The following MAPK8 variants were observed in gnomAD, a reference collection of about 807,000 sequenced individuals.
The protein encoded by MAPK8 is mitogen-activated protein kinase 8.
MAPK8 carries 13 observed loss-of-function variants against 52.9 expected under a neutral mutation model. That is an observed-to-expected ratio of 0.25 (90% CI 0.16 to 0.39). The LOEUF (loss-of-function observed/expected upper bound fraction) is 0.39, where lower values mean the gene tolerates loss of function less well. Among genes scored for constraint, MAPK8 ranks in the 10% least tolerant of loss-of-function variants. MAPK8 has a pLI of 1.00. For synonymous variants in MAPK8, 191 were observed against 169.8 expected (o/e 1.12, Z -0.97); for missense variants, 300 against 519.2 (o/e 0.58, Z 4.10).
intron 1 of MAPK8, among the ~76,000 whole-genome samples, chr10:48,310,730 TGTGTG>T (rs1770840366): frequency 1.4e-5 from 1 of 73,164 alleles, no homozygotes; most frequent in Non-Finnish European, 2.4e-5. Flanking sequence ...TTTTTAAAAT[TGTGTG>T]TGTGTGTGTG....
intron 3 of MAPK8, among the ~76,000 whole-genome samples, chr10:48,407,804 C>A (rs1468383544): frequency 6.6e-6 from 1 of 152,166 alleles, no homozygotes; most frequent in Non-Finnish European, 1.5e-5. Flanking sequence ...TTCTAAACAA[C>A]CACTAATCAA....
At chr10:48,333,783 C>T (rs899881479) in intron 1 of MAPK8, among the ~76,000 whole-genome samples, 8 of 138,600 alleles carry the variant, frequency 5.8e-5, no homozygotes, top group African/African-American at 1.6e-4. Flanking sequence ...GATGCCTCTG[C>T]GGGGGAACGT....
Position 48,358,345 on chromosome 10 carries a change from A to G in MAPK8, c.-49-43267A>G, listed in dbSNP as rs147515143. 8.0e-4 allele frequency among the ~76,000 whole-genome samples: 122 copies of G among 152,322 alleles called. 2 individuals carry two copies. The East Asian group carries it at 0.02, about 25-fold the overall frequency. On this transcript the variant is annotated intron_variant, in intron 1 of 11. Transcript: ENST00000374189. ...AGAGCTTGTTACTTTCTTTTTGATTATATTAGTAGTCATCATAGTGGATAT... is the reference window on the plus strand; with the variant it reads ...AGAGCTTGTTACTTTCTTTTTGATTGTATTAGTAGTCATCATAGTGGATAT...
intron 1 of MAPK8, among the ~76,000 whole-genome samples, chr10:48,338,936 A>T (rs1347581799): frequency 2.6e-5 from 4 of 152,170 alleles, no homozygotes; most frequent in South Asian, 4.1e-4. Context: ...TTCATAGATG[A>T]CACAAACAAA....
chr10:48,384,391 T>G (rs975343241), intron 1 of MAPK8, among the ~76,000 whole-genome samples: 3 of 152,244 alleles, frequency 2.0e-5, no homozygotes, highest in African/African-American at 7.2e-5. Context: ...AAGATTTCTT[T>G]TGTAGATGTA....
chr10:48,345,562 G>T (rs1448315209), intron 1 of MAPK8, among the ~76,000 whole-genome samples: 1 of 152,126 alleles, frequency 6.6e-6, no homozygotes, highest in Non-Finnish European at 1.5e-5. Flanking sequence ...ACTTCTAAGT[G>T]ATATGGTACA....
chr10:48,420,173 A>G lies in MAPK8; in HGVS notation c.469A>G (p.Ile157Val), dbSNP rs368198154. The G allele has an allele frequency of 6.8e-6, 11 of 1,613,160 alleles. No individual in the cohort carries two copies. Among genetic ancestry groups the G allele is most frequent in the Non-Finnish European group, 7.6e-6 (9 of 1,179,452 alleles). The stretch of plus-strand genomic sequence containing the variant: ...TCTGAAGGACTTAAAGCCCAGTAAT[A>G]TAGTAGTAAAATCTGATTGCACTTT... ...IIHRDLKPSNIVVKSDCTLKI... is the reference protein window; with the variant it reads ...IIHRDLKPSNVVVKSDCTLKI... The change falls in exon 6 of 12, where the codon ATA becomes GTA. Residue 157 changes from isoleucine (I) to valine (V), a missense_variant. Physicochemically the swap from Ile to Val is conservative, Grantham distance 29. Around this residue, in one of 3 missense-constraint regions of MAPK8, gnomAD observed 147 missense variants for 328.1 expected, o/e 0.45. Transcript: ENST00000374189.
intron 1 of MAPK8, among the ~76,000 whole-genome samples, chr10:48,309,590 A>G (rs941404130): frequency 6.6e-6 from 1 of 152,206 alleles, no homozygotes; most frequent in African/African-American, 2.4e-5. Flanking sequence ...GATATTATCA[A>G]AGTGACCTTG....
chr10:48,309,295 C>T (rs1015639172), intron 1 of MAPK8, among the ~76,000 whole-genome samples: 2 of 152,196 alleles, frequency 1.3e-5, no homozygotes, highest in African/African-American at 4.8e-5. Context: ...AGAACATTGT[C>T]ATCACCCCAA....
At chr10:48,327,528 T>C (rs1301169454) in intron 1 of MAPK8, among the ~76,000 whole-genome samples, 1 of 152,250 alleles carries the variant, frequency 6.6e-6, no homozygotes, top group Non-Finnish European at 1.5e-5. Flanking sequence ...TCATGAAAGA[T>C]ACTGGTCTGT....
chr10:48,324,027 C>T (rs1319689406), intron 1 of MAPK8, among the ~76,000 whole-genome samples: 1 of 152,198 alleles, frequency 6.6e-6, no homozygotes, highest in Non-Finnish European at 1.5e-5. Flanking sequence ...TCCCACATCA[C>T]TCCCAACTGA....
intron 1 of MAPK8, among the ~76,000 whole-genome samples, chr10:48,330,533 T>A (rs1844028310): frequency 6.6e-6 from 1 of 152,170 alleles, no homozygotes; most frequent in African/African-American, 2.4e-5. Flanking sequence ...TGTAGAACAA[T>A]GTGTGAGAAA....
At chr10:48,353,731 T>G (rs1402204969) in intron 1 of MAPK8, among the ~76,000 whole-genome samples, 1 of 152,232 alleles carries the variant, frequency 6.6e-6, no homozygotes, top group Admixed American at 6.5e-5. Flanking sequence ...TCAGAACTCT[T>G]AAAGACATTA....
intron 1 of MAPK8, among the ~76,000 whole-genome samples, chr10:48,339,941 C>T (rs1052460717): frequency 2.0e-5 from 3 of 152,176 alleles, no homozygotes; most frequent in African/African-American, 4.8e-5. Flanking sequence ...AACGCTTACA[C>T]GCTGTTGGTG....
intron 1 of MAPK8, among the ~76,000 whole-genome samples, chr10:48,338,397 C>T (rs1375230976): frequency 6.6e-6 from 1 of 150,614 alleles, no homozygotes; most frequent in Non-Finnish European, 1.5e-5. Flanking sequence ...CATGATAAAA[C>T]CTCAACAACC....
intron 1 of MAPK8, among the ~76,000 whole-genome samples, chr10:48,354,401 T>C (rs1457663705): frequency 2.0e-5 from 3 of 152,208 alleles, no homozygotes; most frequent in East Asian, 3.8e-4. Flanking sequence ...ACGTTCTTCC[T>C]CTTCACCTTA....
intron 1 of MAPK8, among the ~76,000 whole-genome samples, chr10:48,331,028 G>A (rs1484132458): frequency 2.6e-5 from 4 of 152,128 alleles, no homozygotes; most frequent in Non-Finnish European, 5.9e-5. Context: ...GCAGTTATTT[G>A]GCAGGGAGCC....
At chr10:48,333,308 G>C (rs1244703494) in intron 1 of MAPK8, among the ~76,000 whole-genome samples, 1 of 152,158 alleles carries the variant, frequency 6.6e-6, no homozygotes, top group Non-Finnish European at 1.5e-5. Flanking sequence ...ATATATTCCT[G>C]ACTAGGTGTG....
intron 1 of MAPK8, chr10:48,308,030 G>A (rs779668320): frequency 4.6e-5 from 7 of 152,226 alleles, no homozygotes; most frequent in Non-Finnish European, 8.8e-5. Context: ...GTAATAGGAA[G>A]TAGAATTAGA....
Sources: allele counts gnomAD v4.1 joint callset (sites outside exome capture counted in the v4.1 genomes callset), GRCh38; gene constraint gnomAD v4.1.1; regional missense constraint gnomAD v4.1.1; transcripts MANE v1.5; gene names NCBI Gene and HGNC (gene_info 2026-07-23, HGNC 2026-07-21).